The following NFASC variants were observed in gnomAD, a reference collection of about 807,000 sequenced individuals.
NFASC encodes neurofascin homolog.
In NFASC, 43 loss-of-function variants were observed where a neutral mutation model predicts 147.5. That is an observed-to-expected ratio of 0.29 (90% CI 0.23 to 0.38). The LOEUF is 0.38. NFASC is among the 10% of genes least tolerant of loss of function. The probability of loss-of-function intolerance (pLI) is 1.00; values close to 1 mark genes in which losing one functional copy is unlikely to be tolerated. For synonymous variants in NFASC, 622 were observed against 665.5 expected, an observed-to-expected ratio of 0.93 and a Z score of 1.01; for missense variants, 1,320 against 1,689.0, an observed-to-expected ratio of 0.78 and a Z score of 3.83.
At position 204,976,535 on chromosome 1, in the gene NFASC, G is replaced by A; in HGVS notation, c.1707-136G>A. 1.2e-5 allele frequency: 8 copies of A among 658,494 alleles called. No individual in the cohort carries two copies. The South Asian group carries it at 1.5e-4, about 12-fold the overall frequency. 40.8% of individuals were successfully genotyped at this position (658,494 alleles called of 1,614,324 possible). A position where few individuals can be genotyped will look rare whatever the true frequency, so the allele number is the denominator to read the frequency against. On this transcript the variant is annotated intron_variant, in intron 15 of 29. Transcript: ENST00000339876. Reference sequence around the variant, plus strand: ...AAGACCTCACCTCTGTCAAAGCATTGAGAGGGAGCCTCATACCCCCAGAAG... The same window carrying A: ...AAGACCTCACCTCTGTCAAAGCATTAAGAGGGAGCCTCATACCCCCAGAAG...
intron 2 of NFASC, among the ~76,000 whole-genome samples, chr1:204,932,577 T>C (rs1480986836): frequency 1.3e-5 from 2 of 152,180 alleles, no homozygotes; most frequent in Non-Finnish European, 2.9e-5. Flanking sequence ...GTTAGCAAAC[T>C]ACAGCCTCTG....
At chr1:204,866,418 T>C (rs1406074949) in intron 1 of NFASC, among the ~76,000 whole-genome samples, 5 of 151,566 alleles carry the variant, frequency 3.3e-5, no homozygotes, top group Admixed American at 6.6e-5. Flanking sequence ...GAGAGGTCAG[T>C]TCTTAGGTAA....
chr1:204,955,025 G>A, intron 7 of NFASC, 74 bp downstream of exon 7: 1 of 1,563,772 alleles, frequency 6.4e-7, no homozygotes, highest in Admixed American at 1.7e-5. Flanking sequence ...AAGTGGGGAG[G>A]GGCTTGCCCA....
chr1:204,927,628 T>C (rs2149527311), intron 2 of NFASC, among the ~76,000 whole-genome samples: 1 of 152,176 alleles, frequency 6.6e-6, no homozygotes, highest in Admixed American at 6.5e-5. Context: ...ACCACCTGGG[T>C]CCCTCCTCCT....
At chr1:204,868,935 G>A (rs920075543) in intron 1 of NFASC, among the ~76,000 whole-genome samples, 25 of 152,226 alleles carry the variant, frequency 1.6e-4, no homozygotes, top group East Asian at 5.8e-4. Flanking sequence ...TGCCTCTTCC[G>A]GGGCAGAACT....
intron 1 of NFASC, chr1:204,870,729 T>C: frequency 8.8e-7 from 1 of 1,141,184 alleles, no homozygotes; most frequent in Admixed American, 4.3e-5. Context: ...ACAAGTGTAT[T>C]GTGTGGCGTT....
intron 1 of NFASC, among the ~76,000 whole-genome samples, chr1:204,844,481 T>C (rs1360217341): frequency 6.6e-6 from 1 of 152,224 alleles, no homozygotes; most frequent in Admixed American, 6.5e-5. Context: ...CTGTGGGTAT[T>C]ACAGTGGAGA....
At chr1:204,989,081 G>A in intron 23 of NFASC, 1 of 499,348 alleles carries the variant, frequency 2.0e-6, no homozygotes. Context: ...TTTCCTTCTT[G>A]TAGAGGAATA....
chr1:204,896,729 A>G (rs894601085), intron 1 of NFASC, among the ~76,000 whole-genome samples: 12 of 152,244 alleles, frequency 7.9e-5, no homozygotes, highest in African/African-American at 2.9e-4. Flanking sequence ...TTTTGACCCA[A>G]GAAACTATAA....
chr1:205,001,907 A>G (rs1330032059), intron 26 of NFASC, among the ~76,000 whole-genome samples: 1 of 152,216 alleles, frequency 6.6e-6, no homozygotes, highest in Admixed American at 6.5e-5. Flanking sequence ...TGCTCTAAGC[A>G]ATTAAGCCAA....
At chr1:204,966,250 C>T (rs2094942674) in intron 8 of NFASC, among the ~76,000 whole-genome samples, 1 of 152,170 alleles carries the variant, frequency 6.6e-6, no homozygotes, top group South Asian at 2.1e-4. Context: ...AATTTTCCTC[C>T]TTCCCATCAT....
chr1:204,899,169 A>G lies in NFASC; in HGVS notation c.-199-21463A>G, dbSNP rs772103790. Among the ~76,000 whole-genome samples the G allele has an allele frequency of 4.4e-4, 67 of 152,208 alleles. 3 individuals carry two copies. The highest frequency in any genetic ancestry group is 1.5e-4 in the Non-Finnish European group (10 of 68,036). On this transcript the variant is annotated intron_variant, in intron 1 of 29. Transcript: ENST00000339876. ...TACTGAAGCTATTAAAAAAAGTCAC[A>G]GCACCGCTGGCTCCATGCAGCCATC...
At chr1:204,866,753 T>C (rs114658519) in intron 1 of NFASC, among the ~76,000 whole-genome samples, 132 of 152,338 alleles carry the variant, frequency 8.7e-4, no homozygotes, top group African/African-American at 3.0e-3. Flanking sequence ...GACTATAAGT[T>C]TTTCATCATC....
At chr1:204,972,791 G>A (rs774949083) in intron 11 of NFASC, among the ~76,000 whole-genome samples, 11 of 152,132 alleles carry the variant, frequency 7.2e-5, no homozygotes, top group Non-Finnish European at 1.5e-5. Flanking sequence ...ATGCACATTC[G>A]ATTAAAATGA....
chr1:205,011,795 A>T (rs2096258041), intron 28 of NFASC, among the ~76,000 whole-genome samples: 1 of 152,188 alleles, frequency 6.6e-6, no homozygotes. Flanking sequence ...AAAAGGACAC[A>T]TAGGCCGGGC....
chr1:204,848,165 C>CTCTT (rs1280646239), intron 1 of NFASC, among the ~76,000 whole-genome samples: 2 of 152,216 alleles, frequency 1.3e-5, no homozygotes, highest in Admixed American at 1.3e-4. Context: ...CTGACACTGC[C>CTCTT]TCTTAGCAGG....
chr1:204,953,510 A>T (rs1176847515), intron 5 of NFASC, among the ~76,000 whole-genome samples: 1 of 152,058 alleles, frequency 6.6e-6, no homozygotes, highest in Non-Finnish European at 1.5e-5. Flanking sequence ...GTTAGCCAGG[A>T]TGGTCTCGAT....
chr1:204,893,777 C>T (rs745307789), intron 1 of NFASC, among the ~76,000 whole-genome samples: 7 of 152,226 alleles, frequency 4.6e-5, no homozygotes, highest in African/African-American at 9.7e-5. Flanking sequence ...TCAAGCTTCT[C>T]CCCCTTTGCC....
chr1:204,938,361 CAGCTGACA>C (rs1463912232), intron 2 of NFASC, among the ~76,000 whole-genome samples: 1 of 152,218 alleles, frequency 6.6e-6, no homozygotes, highest in African/African-American at 2.4e-5. Context: ...TCAGGGGCAG[CAGCTGACA>C]TTTTTTAAGC....
Sources: allele counts gnomAD v4.1 joint callset (sites outside exome capture counted in the v4.1 genomes callset), GRCh38; gene constraint gnomAD v4.1.1; transcripts MANE v1.5; gene names NCBI Gene and HGNC (gene_info 2026-07-23, HGNC 2026-07-21).